Variants in SPMIP2 observed in about 807,000 individuals in gnomAD.
SPMIP2 encodes the protein protein SPMIP2.
the SPMIP2 span, among the ~76,000 whole-genome samples, chr4:158,926,814 G>A: frequency 2.0e-5 from 3 of 152,044 alleles, no homozygotes; most frequent in Non-Finnish European, 4.4e-5. Flanking sequence ...GAATACACAT[G>A]GACATAAAGA....
At chr4:159,039,037 G>A in the SPMIP2 span, among the ~76,000 whole-genome samples, 3 of 151,956 alleles carry the variant, frequency 2.0e-5, no homozygotes, top group African/African-American at 7.3e-5. Flanking sequence ...GGAGTGCAGG[G>A]GCTCAATCAT....
the SPMIP2 span, among the ~76,000 whole-genome samples, chr4:158,975,309 C>T: frequency 8.7e-4 from 132 of 152,220 alleles, no homozygotes; most frequent in African/African-American, 2.6e-3. Context: ...TTAATTAGAT[C>T]CCATTTGTGA....
the SPMIP2 span, among the ~76,000 whole-genome samples, chr4:159,065,538 C>G: frequency 6.6e-6 from 1 of 152,014 alleles, no homozygotes; most frequent in South Asian, 2.1e-4. Context: ...GGCAGCATGG[C>G]GAAACCCTCT....
the SPMIP2 span, chr4:158,972,985 A>T: frequency 1.2e-6 from 1 of 834,182 alleles, no homozygotes; most frequent in Non-Finnish European, 1.8e-6. Flanking sequence ...TCAATGAGAA[A>T]TCAAGCACCC....
chr4:158,904,846 C>G, the SPMIP2 span: 1 of 322,984 alleles, frequency 3.1e-6, no homozygotes, highest in Non-Finnish European at 5.9e-6. Context: ...GCTGTTGCAA[C>G]AGATTGCCTT....
chr4:158,944,733 A>G, the SPMIP2 span, among the ~76,000 whole-genome samples: 568 of 152,262 alleles, frequency 3.7e-3, 21 homozygotes, highest in Admixed American at 0.033. Flanking sequence ...GAAAATTTGG[A>G]GTCATCACTG....
At chr4:158,969,635 G>A in the SPMIP2 span, among the ~76,000 whole-genome samples, 1 of 152,182 alleles carries the variant, frequency 6.6e-6, no homozygotes, top group Non-Finnish European at 1.5e-5. Context: ...CAAAAAGCCA[G>A]ATGATCTGCA....
chr4:158,906,349 T>G, the SPMIP2 span: 1 of 152,206 alleles, frequency 6.6e-6, no homozygotes, highest in African/African-American at 2.4e-5. Context: ...CTAGTTCCTT[T>G]TTTCTTGTTT....
chr4:158,939,655 T>C, the SPMIP2 span, among the ~76,000 whole-genome samples: 3 of 152,146 alleles, frequency 2.0e-5, no homozygotes, highest in African/African-American at 7.2e-5. Context: ...TCTCTTCTCT[T>C]TCTTCTCCCT....
chr4:159,058,180 G>A, the SPMIP2 span, among the ~76,000 whole-genome samples: 6 of 138,380 alleles, frequency 4.3e-5, no homozygotes, highest in Admixed American at 4.4e-4. Flanking sequence ...AATTGTATTT[G>A]CTGGGCTTTT....
chr4:158,929,420 C>G, the SPMIP2 span, among the ~76,000 whole-genome samples: 1 of 152,142 alleles, frequency 6.6e-6, no homozygotes, highest in Non-Finnish European at 1.5e-5. Context: ...TATTTGTTTT[C>G]TATAAGTCTT....
At chr4:159,023,945 C>T in the SPMIP2 span, among the ~76,000 whole-genome samples, 16 of 152,270 alleles carry the variant, frequency 1.1e-4, no homozygotes, top group East Asian at 3.1e-3. Flanking sequence ...GTTGTAGGTC[C>T]TTTTCAGAGC....
chr4:158,895,147 A>G, the SPMIP2 span, among the ~76,000 whole-genome samples: 1 of 152,176 alleles, frequency 6.6e-6, no homozygotes, highest in Non-Finnish European at 1.5e-5. Context: ...CCTGAAAATA[A>G]TTGCCTTTTC....
the SPMIP2 span, among the ~76,000 whole-genome samples, chr4:158,959,859 T>C: frequency 6.6e-6 from 1 of 152,188 alleles, no homozygotes; most frequent in African/African-American, 2.4e-5. Context: ...TTAGTAAGAT[T>C]ATGTTTATTA....
the SPMIP2 span, among the ~76,000 whole-genome samples, chr4:158,998,957 C>T: frequency 6.6e-6 from 1 of 151,996 alleles, no homozygotes; most frequent in Non-Finnish European, 1.5e-5. Flanking sequence ...TCCAGGAGTT[C>T]AAGACCAGCC....
chr4:158,988,124 A>G, the SPMIP2 span, among the ~76,000 whole-genome samples: 1 of 152,212 alleles, frequency 6.6e-6, no homozygotes, highest in East Asian at 1.9e-4. Flanking sequence ...CTGTACGCAA[A>G]TAAACTAGAA....
At chr4:158,970,713 C>A in the SPMIP2 span, among the ~76,000 whole-genome samples, 1 of 148,834 alleles carries the variant, frequency 6.7e-6, no homozygotes, top group East Asian at 1.9e-4. Flanking sequence ...CTCAGTGAAT[C>A]TTTTTTTTTT....
chr4:159,025,622 T>C, the SPMIP2 span, among the ~76,000 whole-genome samples: 4 of 152,100 alleles, frequency 2.6e-5, no homozygotes, highest in African/African-American at 9.7e-5. Flanking sequence ...GGTTGGCTTA[T>C]TAAGAAAAAA....
chr4:158,995,328 T>C, the SPMIP2 span, among the ~76,000 whole-genome samples: 1 of 152,228 alleles, frequency 6.6e-6, no homozygotes, highest in Non-Finnish European at 1.5e-5. Flanking sequence ...CGTGGGATTA[T>C]TGTGTCAACT....
Sources: gnomAD v4.1 joint callset for allele counts (sites outside exome capture counted in the v4.1 genomes callset) on GRCh38, gnomAD v4.1.1 for gene constraint, MANE v1.5 for transcripts, NCBI Gene and HGNC (gene_info 2026-07-23, HGNC 2026-07-21) for gene names.